Variants in PRPF19 observed in about 807,000 individuals in gnomAD.
PRPF19 encodes pre-mRNA-processing factor 19.
A neutral mutation model predicts 64.2 loss-of-function variants in PRPF19; 2 were observed. That is an observed-to-expected ratio of 0.03 (90% confidence interval 0.01 to 0.10). The LOEUF (loss-of-function observed/expected upper bound fraction) is 0.10, where lower values mean the gene tolerates loss of function less well. Among genes scored for constraint, PRPF19 ranks in the 10% least tolerant of loss-of-function variants. PRPF19 has a pLI of 1.00. For missense variants in PRPF19, 314 were observed against 650.0 expected (o/e 0.48, Z 5.62); for synonymous variants, 226 against 251.6 (o/e 0.90, Z 0.96).
At chr11:60,894,196 T>A (rs1281560750) in intron 15 of PRPF19, among the ~76,000 whole-genome samples, 1 of 152,234 alleles carries the variant, frequency 6.6e-6, no homozygotes, top group African/African-American at 2.4e-5. Context: ...GTTTGCCACA[T>A]CATTTGATTC....
chr11:60,902,575 A>T lies in PRPF19; in HGVS notation c.462+8T>A. The T allele has an allele frequency of 6.2e-7, 1 of 1,611,920 alleles. No individual in the cohort carries two copies. Among genetic ancestry groups the T allele is most frequent in the Non-Finnish European group, 8.5e-7 (1 of 1,177,996 alleles). On this transcript the variant is annotated splice_region_variant and intron_variant, in intron 5 of 15. Coordinates refer to ENST00000227524, the MANE Select transcript of PRPF19 (RefSeq NM_014502.5). The surrounding 1 kb of genome is among the most constrained non-coding windows in gnomAD (Gnocchi z 5.0). ...ATGGGCTGCTGGTAAGGGAAGGGGGACACTTACCACAACACTTGGTTGGGA... is the reference window on the plus strand; with the variant it reads ...ATGGGCTGCTGGTAAGGGAAGGGGGTCACTTACCACAACACTTGGTTGGGA...
chr11:60,894,819 G>A (rs906494878), intron 15 of PRPF19, among the ~76,000 whole-genome samples: 2 of 152,172 alleles, frequency 1.3e-5, no homozygotes, highest in Non-Finnish European at 2.9e-5. Flanking sequence ...TCCATAAGCC[G>A]AAGATTGGAT....
intron 14 of PRPF19, 48 bp from the exon 15 acceptor site, chr11:60,897,999 A>G: frequency 1.2e-6 from 2 of 1,608,958 alleles, no homozygotes; most frequent in Non-Finnish European, 1.7e-6. Context: ...AACAGAAACT[A>G]TGGGGCAGTT....
Position 60,898,430 on chromosome 11 carries a change from C to T in PRPF19, c.1140+111G>A, listed in dbSNP as rs1196795113. 2.6e-6 allele frequency: 4 copies of T among 1,561,328 alleles called. No homozygotes were observed. In the African/African-American group the frequency reaches 5.4e-5, roughly 21 times the overall value. On this transcript the variant is annotated intron_variant, in intron 13 of 15. Transcript: ENST00000227524. The surrounding 1 kb of genome is among the most constrained non-coding windows in gnomAD (Gnocchi z 4.6). The stretch of plus-strand genomic sequence containing the variant: ...CACCATCATATCACACACGCACAGC[C>T]AGTGTCTCTCCACCTTCAGGGCCAG...
At position 60,898,146 on chromosome 11, in the gene PRPF19, G is replaced by A. The variant is rs1174044986; in HGVS notation, c.1266C>T (p.Arg422=). The A allele has an allele frequency of 6.2e-7, 1 of 1,614,226 alleles. No individual in the cohort carries two copies. The highest frequency in any genetic ancestry group is 1.1e-5 in the South Asian group (1 of 91,080). Residue 422 remains arginine (R), a synonymous_variant, in exon 14 of 16, where the codon CGC becomes CGT. Transcript: ENST00000227524. This position sits in a 1 kb window ranked among gnomAD's most constrained non-coding sequence, Gnocchi z 4.6. ...DDSSVKLWDL[R]KLKNFKTLQL... is the part of the protein sequence containing the mutation. The stretch of plus-strand genomic sequence containing the variant: ...GCAAAGTCTTAAAGTTCTTAAGCTT[G>A]CGCAGATCCCAGAGCTTGACAGAGG...
chr11:60,893,038 C>T (rs928493591), intron 15 of PRPF19, among the ~76,000 whole-genome samples: 6 of 151,962 alleles, frequency 3.9e-5, no homozygotes, highest in African/African-American at 9.7e-5. Flanking sequence ...GACATGTCAG[C>T]GACGGACCAC....
intron 1 of PRPF19, among the ~76,000 whole-genome samples, chr11:60,905,861 G>C (rs1856039643): frequency 6.6e-6 from 1 of 152,252 alleles, no homozygotes; most frequent in Admixed American, 6.5e-5. Flanking sequence ...CTGGCTGCCA[G>C]CCTTGCCTCT....
At chr11:60,892,238 TTTC>T (rs1326150420) in intron 15 of PRPF19, among the ~76,000 whole-genome samples, 7 of 152,216 alleles carry the variant, frequency 4.6e-5, no homozygotes, top group African/African-American at 1.7e-4. Flanking sequence ...ATCTCATGCT[TTTC>T]TTCTCTAGCA....
At chr11:60,899,127 AG>A (rs775876548) in intron 11 of PRPF19, 21 bp downstream of exon 11, 1 of 1,605,002 alleles carries the variant, frequency 6.2e-7, no homozygotes, top group Non-Finnish European at 8.5e-7. Flanking sequence ...AGGCCTCTCC[AG>A]GGCACTGGCT....
chr11:60,896,489 G>T (rs530166521), intron 15 of PRPF19, among the ~76,000 whole-genome samples: 1 of 152,292 alleles, frequency 6.6e-6, no homozygotes, highest in South Asian at 2.1e-4. Context: ...ACTGAATCAT[G>T]GGGGTGGTTA....
chr11:60,897,390 G>A (rs551309282), intron 15 of PRPF19, among the ~76,000 whole-genome samples: 5 of 152,188 alleles, frequency 3.3e-5, no homozygotes, highest in Non-Finnish European at 5.9e-5. Context: ...TACAATGGTC[G>A]CACATGACGA....
Position 60,900,711 on chromosome 11 carries a change from A to C in PRPF19, c.719-20T>G. 6.4e-7 allele frequency: 1 copy of C among 1,560,512 alleles called. No individual in the cohort carries two copies. Among genetic ancestry groups the C allele is most frequent in the Non-Finnish European group, 8.7e-7 (1 of 1,150,616 alleles). On this transcript the variant is annotated intron_variant, in intron 9 of 15. Transcript: ENST00000227524. ...CCCCACCTGGAGAAGACCCAAAAAG[A>C]CCAAACAATGAGTCAGGCCCACCCA...
intron 11 of PRPF19, 31 bp downstream of exon 11, chr11:60,899,118 G>A: frequency 1.9e-6 from 3 of 1,596,668 alleles, no homozygotes; most frequent in Admixed American, 3.5e-5. Flanking sequence ...GGGACCAGCA[G>A]GCCTCTCCAG....
Position 60,898,654 on chromosome 11 carries a change from G to A in PRPF19, c.1055-28C>T, listed in dbSNP as rs867659908. On this transcript the variant is annotated intron_variant, in intron 12 of 15. Transcript: ENST00000227524. The surrounding 1 kb of genome is among the most constrained non-coding windows in gnomAD (Gnocchi z 4.6). The stretch of plus-strand genomic sequence containing the variant: ...GTGGAGGAGGGAAGAGAGACCTGTG[G>A]TCAGAGCCCACCAGGGAGAGAGACT... 6 of 1,613,926 alleles carry A rather than the reference G, an allele frequency of 3.7e-6. 1 individual carries two copies. The highest frequency in any genetic ancestry group is 3.3e-4 in the Middle Eastern group (2 of 6,050).
rs1565110600 is a variant in PRPF19, at chr11:60,898,830, CA to C, written c.1054+31del. The stretch of plus-strand genomic sequence containing the variant: ...GTAAAAATAAATAATAAACAGCAAA[CA>C]AAAAAGCTGAGTGCCTATGAGGCAA... On this transcript the variant is annotated intron_variant, in intron 12 of 15. Coordinates refer to ENST00000227524, the MANE Select transcript of PRPF19 (RefSeq NM_014502.5). The surrounding 1 kb of genome is among the most constrained non-coding windows in gnomAD (Gnocchi z 4.6). 3 of 1,541,862 alleles carry C rather than the reference CA, an allele frequency of 1.9e-6. No individual in the cohort carries two copies. The highest frequency in any genetic ancestry group is 2.1e-5 in the Admixed American group (1 of 47,232).
Position 60,898,402 on chromosome 11 carries a change from C to A in PRPF19, c.1141-131G>T. 6.6e-7 allele frequency: 1 copy of A among 1,525,492 alleles called. No homozygotes were observed. Among genetic ancestry groups the A allele is most frequent in the Non-Finnish European group, 8.9e-7 (1 of 1,129,266 alleles). 94.5% of individuals were successfully genotyped at this position (1,525,492 alleles called of 1,614,324 possible). On this transcript the variant is annotated intron_variant, in intron 13 of 15. Transcript: ENST00000227524. The surrounding 1 kb of genome is among the most constrained non-coding windows in gnomAD (Gnocchi z 4.6). ...AGGACAGCCAGCGGGACCCCCCAGA[C>A]CACACCATCATATCACACACGCACA...
chr11:60,906,510 G>A lies in PRPF19; in HGVS notation c.-128C>T, dbSNP rs538559064. The A allele has an allele frequency of 9.9e-6, 10 of 1,010,646 alleles. No individual in the cohort carries two copies. The highest frequency in any genetic ancestry group is 1.7e-5 in the African/African-American group (1 of 60,538). The allele number at this position is 1,010,646 out of a possible 1,614,324, so 62.6% of individuals were successfully genotyped here. A position where few individuals can be genotyped will look rare whatever the true frequency, so the allele number is the denominator to read the frequency against. The stretch of plus-strand genomic sequence containing the variant: ...CGCGGCGAGCTGGGAGCCGCCAGCC[G>A]AGCGATGCTAGCGTAGCGCTTCACG... On this transcript the variant is annotated 5_prime_UTR_variant, in exon 1 of 16. Transcript: ENST00000227524.
In PRPF19 at chr11:60,898,916, C is replaced by T; in HGVS notation, c.1000G>A (p.Asp334Asn). 2 of 1,600,974 alleles carry T rather than the reference C, an allele frequency of 1.2e-6. No homozygotes were observed. Among genetic ancestry groups the T allele is most frequent in the Admixed American group, 1.7e-5 (1 of 58,238 alleles). The change falls in exon 12 of 16, where the codon GAC (aspartate) becomes AAC (asparagine). Residue 334 changes from aspartate to asparagine, a missense_variant. Coordinates refer to ENST00000227524, the MANE Select transcript of PRPF19 (RefSeq NM_014502.5). This position sits in a 1 kb window ranked among gnomAD's most constrained non-coding sequence, Gnocchi z 4.6. ...GTGAGCACACGCCCTGTCTGGATGTCAGAGAAAGCCCAGTACTGGGGAAAA... is the reference window on the plus strand; with the variant it reads ...GTGAGCACACGCCCTGTCTGGATGTTAGAGAAAGCCCAGTACTGGGGAAAA... ...SSDDQYWAFS[D>N]IQTGRVLTKV...
At chr11:60,901,208 G>A in intron 8 of PRPF19, 87 bp downstream of exon 8, 1 of 1,409,082 alleles carries the variant, frequency 7.1e-7, no homozygotes, top group Admixed American at 1.8e-5. Flanking sequence ...GGACAGCTCT[G>A]CACTCAGCAC....
Sources: allele counts gnomAD v4.1 joint callset (sites outside exome capture counted in the v4.1 genomes callset), GRCh38; gene constraint gnomAD v4.1.1; non-coding constraint Gnocchi (gnomAD v3.1); transcripts MANE v1.5; gene names NCBI Gene and HGNC (gene_info 2026-07-23, HGNC 2026-07-21).